The following RPS17 variants were observed in gnomAD, a reference collection of about 807,000 sequenced individuals.
RPS17 encodes the protein ribosomal protein S17.
For synonymous variants in RPS17, 75 were observed against 65.6 expected, an observed-to-expected ratio of 1.14 and a Z score of -0.70; for missense variants, 68 against 182.3, an observed-to-expected ratio of 0.37 and a Z score of 3.61.
chr15:82,538,355 T>C lies in RPS17; in HGVS notation c.278A>G (p.Gln93Arg). Residue 93 changes from glutamine (Q) to arginine (R), a missense_variant, in exon 4 of 5, where the codon CAG becomes CGG. Transcript: ENST00000647841. ...GTCAGGATCTACTTCAATAATCTCC[T>C]GATCCAAGGCTGAGACCTACAAGGA... ...NYVPEVSALD[Q>R]EIIEVDPDTK... is the part of the protein sequence containing the mutation. The C allele has an allele frequency of 6.2e-7, 1 of 1,612,502 alleles. No individual in the cohort carries two copies. Among genetic ancestry groups the C allele is most frequent in the Non-Finnish European group, 8.5e-7 (1 of 1,179,796 alleles).
At position 82,538,530 on chromosome 15, in the gene RPS17, G is replaced by A. The variant is rs957703097; in HGVS notation, c.262-159C>T. On this transcript the variant is annotated intron_variant, in intron 3 of 4. Coordinates refer to ENST00000647841, the MANE Select transcript of RPS17 (RefSeq NM_001021.6). ...AGTCTCTTACAGTATTACAGACCCC[G>A]ATGACCTGTTCTTCTGGCCTTACCT... 38 of 829,156 alleles carry A rather than the reference G, an allele frequency of 4.6e-5. No individual in the cohort carries two copies. The African/African-American group carries it at 5.2e-4, about 11-fold the overall frequency. The allele number at this position is 829,156 out of a possible 1,614,324, so 51.4% of individuals were successfully genotyped here. A position where few individuals can be genotyped will look rare whatever the true frequency, so the allele number is the denominator to read the frequency against.
rs2034279426 is a variant in RPS17, at chr15:82,538,514, C to T, written c.262-143G>A. ...CTCTCACAAGGTGAGCAGTCTCTTA[C>T]AGTATTACAGACCCCGATGACCTGT... On this transcript the variant is annotated intron_variant, in intron 3 of 4. Coordinates refer to ENST00000647841, the MANE Select transcript of RPS17 (RefSeq NM_001021.6). 5.4e-6 allele frequency: 5 copies of T among 918,660 alleles called. No individual in the cohort carries two copies. The South Asian group carries it at 6.9e-5, about 13-fold the overall frequency. 56.9% of individuals were successfully genotyped at this position (918,660 alleles called of 1,614,324 possible). A position where few individuals can be genotyped will look rare whatever the true frequency, so the allele number is the denominator to read the frequency against.
intron 2 of RPS17, chr15:82,539,719 G>A (rs924529358): frequency 7.3e-5 from 45 of 615,870 alleles, no homozygotes; most frequent in Non-Finnish European, 7.2e-5. Flanking sequence ...AAAGAAAAAA[G>A]TTGACAACTA....
chr15:82,538,857 G>A, intron 3 of RPS17, 23 bp downstream of exon 3: 3 of 1,610,688 alleles, frequency 1.9e-6, no homozygotes, highest in Non-Finnish European at 2.5e-6. Flanking sequence ...TTAGCCAGAA[G>A]CCCAAATATC....
At chr15:82,538,060 GAAGCAGCCAAGAGAGAA>G (rs1450319495) in intron 4 of RPS17, 1 of 558,354 alleles carries the variant, frequency 1.8e-6, no homozygotes, top group Non-Finnish European at 3.5e-6. Flanking sequence ...ACCAAGAACA[GAAGCAGCCAAGAGAGAA>G]AAGGTGTCCT....
intron 2 of RPS17, 25 bp downstream of exon 2, chr15:82,539,956 G>C (rs1431636339): frequency 8.1e-6 from 13 of 1,612,064 alleles, no homozygotes; most frequent in Middle Eastern, 2.3e-4. Context: ...GCGGAGCCCC[G>C]GAGGCCGAGG....
At chr15:82,540,248 G>A (rs2034325156) in intron 1 of RPS17, 116 bp from the exon 2 acceptor site, 5 of 1,606,330 alleles carry the variant, frequency 3.1e-6, no homozygotes, top group Non-Finnish European at 2.6e-6. Context: ...GCCGGAGAGG[G>A]CCCGGCTAAA....
At chr15:82,540,251 C>G in intron 1 of RPS17, 119 bp from the exon 2 acceptor site, 1 of 1,606,826 alleles carries the variant, frequency 6.2e-7, no homozygotes, top group Non-Finnish European at 8.5e-7. Context: ...GGAGAGGGCC[C>G]GGCTAAACAG....
rs1479238975 is a variant in RPS17, at chr15:82,538,892, A to G, written c.249T>C (p.Asn83=). The G allele has an allele frequency of 6.2e-7, 1 of 1,613,622 alleles. No individual in the cohort carries two copies. The highest frequency in any genetic ancestry group is 1.3e-5 in the African/African-American group (1 of 74,830). Residue 83 remains asparagine, a synonymous_variant, in exon 3 of 5, where the codon AAT becomes AAC. Transcript: ENST00000647841. ...CCAGAAAGTTTACCTCAGGAACATA[A>G]TTGTCTCTCCTTTCTCTCTCCTCCT... ...LQEEERERRD[N]YVPEVSALDQ...
At chr15:82,537,881 G>C in intron 4 of RPS17, 1 of 456,610 alleles carries the variant, frequency 2.2e-6, no homozygotes, top group South Asian at 1.5e-5. Context: ...AAAGTGCAAT[G>C]AAGATACTCG....
chr15:82,538,750 G>C, intron 3 of RPS17, 130 bp downstream of exon 3: 1 of 977,332 alleles, frequency 1.0e-6, no homozygotes, highest in Non-Finnish European at 1.7e-6. Flanking sequence ...GGGCCTATGG[G>C]CACCCACAGC....
chr15:82,537,797 C>T, intron 4 of RPS17: 1 of 445,298 alleles, frequency 2.2e-6, no homozygotes. Context: ...TGTTCAAAAT[C>T]ACCAACCGCC....
At chr15:82,539,226 C>T in intron 2 of RPS17, 2 of 647,642 alleles carry the variant, frequency 3.1e-6, no homozygotes, top group Non-Finnish European at 5.7e-6. Context: ...CCACCCCCAA[C>T]TCGCCCCGCC....
intron 2 of RPS17, 196 bp downstream of exon 2, chr15:82,539,785 T>C (rs2034311782): frequency 3.2e-6 from 3 of 952,044 alleles, no homozygotes; most frequent in Non-Finnish European, 5.0e-6. Context: ...CGACCCAGGG[T>C]CACCGCGGCC....
chr15:82,538,261 T>A, intron 4 of RPS17, 45 bp downstream of exon 4: 1 of 1,608,284 alleles, frequency 6.2e-7, no homozygotes, highest in South Asian at 1.1e-5. Flanking sequence ...TACTGATGGT[T>A]TTTGACCAGG....
Position 82,536,846 on chromosome 15 carries a change from C to T in RPS17, c.363G>A (p.Gln121=). The T allele has an allele frequency of 1.2e-6, 2 of 1,613,968 alleles. No individual in the cohort carries two copies. Among genetic ancestry groups the T allele is most frequent in the Admixed American group, 1.7e-5 (1 of 60,014 alleles). ...TTTTGAAATTCATCCCAACTGTAGGCTGAGTGACCTGAAGGTTGGACAGAC... is the reference window on the plus strand; with the variant it reads ...TTTTGAAATTCATCCCAACTGTAGGTTGAGTGACCTGAAGGTTGGACAGAC... The part of the protein sequence containing the change: ...FGSLSNLQVT[Q]PTVGMNFKTP... Residue 121 remains glutamine, a synonymous_variant, in exon 5 of 5, where the codon CAG becomes CAA. Transcript: ENST00000647841.
intron 2 of RPS17, chr15:82,539,440 C>A (rs1004761864): frequency 8.7e-6 from 4 of 459,856 alleles, no homozygotes; most frequent in Admixed American, 7.0e-5. Flanking sequence ...GTAATCCCAG[C>A]AATTTGGGAG....
In RPS17 at chr15:82,540,016, A is replaced by G; in HGVS notation, c.120T>C (p.Ile40=). Residue 40 remains isoleucine (I), a synonymous_variant, in exon 2 of 5, where the codon ATT becomes ATC. Coordinates refer to ENST00000647841, the MANE Select transcript of RPS17 (RefSeq NM_001021.6). The part of the protein sequence containing the change: ...TNKRVCEEIA[I]IPSKKLRNKI... ...TGTTGCGGAGCTTTTTGCTGGGGAT[A>G]ATGGCGATCTCCTCGCACACGCGCT... 1.2e-6 allele frequency: 2 copies of G among 1,612,198 alleles called. No homozygotes were observed. Among genetic ancestry groups the G allele is most frequent in the Non-Finnish European group, 1.7e-6 (2 of 1,179,872 alleles).
chr15:82,538,332 C>T lies in RPS17; in HGVS notation c.301G>A (p.Asp101Asn). The change falls in exon 4 of 5, where the codon GAC becomes AAC. Residue 101 changes from aspartate (D) to asparagine (N), a missense_variant. Coordinates refer to ENST00000647841, the MANE Select transcript of RPS17 (RefSeq NM_001021.6). Reference protein sequence around the residue: ...LDQEIIEVDPDTKEMLKLLDF... With the variant: ...LDQEIIEVDPNTKEMLKLLDF... Reference sequence around the variant, plus strand: ...AAAAGCTTCAGCATTTCCTTAGTGTCAGGATCTACTTCAATAATCTCCTGA... The same window carrying T: ...AAAAGCTTCAGCATTTCCTTAGTGTTAGGATCTACTTCAATAATCTCCTGA... 6.2e-7 allele frequency: 1 copy of T among 1,613,118 alleles called. No homozygotes were observed. Among genetic ancestry groups the T allele is most frequent in the Non-Finnish European group, 8.5e-7 (1 of 1,179,810 alleles).
Sources: allele counts gnomAD v4.1 joint callset, GRCh38; gene constraint gnomAD v4.1.1; transcripts MANE v1.5; gene names NCBI Gene and HGNC (gene_info 2026-07-23, HGNC 2026-07-21).